The following DNAI4 variants were observed in gnomAD, a reference collection of about 807,000 sequenced individuals.
The protein encoded by DNAI4 is WD repeat domain 78.
A neutral mutation model predicts 105.8 loss-of-function variants in DNAI4; 85 were observed. The ratio of observed to expected loss-of-function variants is 0.80; its 90% CI spans 0.67 to 0.96. DNAI4 has a LOEUF of 0.96. Ranked by LOEUF, DNAI4 falls within the 40% of genes least tolerant of loss-of-function variation. The pLI is 0.00. For synonymous variants in DNAI4, 352 were observed against 331.5 expected, an observed-to-expected ratio of 1.06 and a Z score of -0.67; for missense variants, 1,014 against 1,005.6, an observed-to-expected ratio of 1.01 and a Z score of -0.11.
intron 1 of DNAI4, among the ~76,000 whole-genome samples, chr1:66,915,311 A>G (rs1649983744): frequency 1.3e-5 from 2 of 152,240 alleles, no homozygotes; most frequent in African/African-American, 4.8e-5. Flanking sequence ...ACTATAAACT[A>G]AGTACCTCCC....
rs532762200 is a variant in DNAI4 at position 66,893,404 on chromosome 1, T to C, written c.355A>G (p.Ile119Val). 8 of 1,542,608 alleles carry C rather than the reference T, an allele frequency of 5.2e-6. No homozygotes were observed. In the African/African-American group the frequency reaches 8.3e-5, roughly 16 times the overall value. Residue 119 changes from isoleucine (I) to valine (V), a missense_variant, in exon 3 of 17, where the codon ATA (isoleucine) becomes GTA (valine). Ile to Val is a conservative substitution (Grantham distance 29, BLOSUM62 3). Coordinates refer to ENST00000371026, the MANE Select transcript of DNAI4 (RefSeq NM_024763.5). ...PNIKTTQVFD[I>V]NGTDVTPRPL... ...CGGGGAGTAACATCAGTTCCATTTA[T>C]GTCAAATACCTGTTAAAAATGGTTA... is the stretch of plus-strand genomic sequence containing the variant.
At position 66,874,755 on chromosome 1, in the gene DNAI4, A is replaced by T. The variant is rs1569701724; in HGVS notation, c.800+26T>A. 1.9e-6 allele frequency: 3 copies of T among 1,583,204 alleles called. No individual in the cohort carries two copies. In the East Asian group the frequency reaches 6.7e-5, roughly 35 times the overall value. Reference sequence around the variant, plus strand: ...GGCTTAGCATTTGAATTACAGAAACAATGTAGACAACTGAACCATACATAC... The same window carrying T: ...GGCTTAGCATTTGAATTACAGAAACTATGTAGACAACTGAACCATACATAC... On this transcript the variant is annotated intron_variant, in intron 5 of 16. Transcript: ENST00000371026.
intron 7 of DNAI4, among the ~76,000 whole-genome samples, chr1:66,859,653 T>A (rs574764095): frequency 2.6e-5 from 4 of 152,042 alleles, no homozygotes; most frequent in Non-Finnish European, 5.9e-5. Flanking sequence ...TGAAAAAACA[T>A]AGAGGAGGCT....
At chr1:66,885,229 T>G (rs2100731866) in intron 4 of DNAI4, among the ~76,000 whole-genome samples, 1 of 152,358 alleles carries the variant, frequency 6.6e-6, no homozygotes, top group South Asian at 2.1e-4. Context: ...TCTTTTGGAT[T>G]TGTTGAAGTA....
intron 1 of DNAI4, among the ~76,000 whole-genome samples, chr1:66,906,624 C>A (rs1410839104): frequency 6.6e-6 from 1 of 151,990 alleles, no homozygotes; most frequent in Non-Finnish European, 1.5e-5. Flanking sequence ...TCCCTAGCAC[C>A]CAGCACAGTG....
chr1:66,899,694 T>G (rs1011885307), intron 2 of DNAI4, among the ~76,000 whole-genome samples: 14 of 152,212 alleles, frequency 9.2e-5, no homozygotes, highest in Non-Finnish European at 1.6e-4. Context: ...AGTGTTACAG[T>G]TTTAGCTCTT....
rs971240009 is a variant in DNAI4 at position 66,833,512 on chromosome 1, G to A, written c.2013+73C>T. 3.3e-6 allele frequency: 5 copies of A among 1,536,500 alleles called. No individual in the cohort carries two copies. In the African/African-American group the frequency reaches 6.9e-5, roughly 21 times the overall value. ...CATTAACAGGCTAATATTTGGTCTT[G>A]TTTTATGACTTAATACACTTCAATT... On this transcript the variant is annotated intron_variant, in intron 13 of 16. Transcript: ENST00000371026.
At chr1:66,855,938 G>A (rs1646490648) in intron 7 of DNAI4, among the ~76,000 whole-genome samples, 2 of 152,128 alleles carry the variant, frequency 1.3e-5, no homozygotes, top group East Asian at 2.0e-4. Context: ...AGGTTCAAGC[G>A]ATTCTCCTGC....
rs954823743 is a variant in DNAI4 at position 66,886,503 on chromosome 1, T to C, written c.643+4651A>G. ...AGGGTAGCAGTTTGGTTGTGTTTAA[T>C]GTTGTTTTAGCTACAGGTATCAAAA... On this transcript the variant is annotated intron_variant, in intron 4 of 16. Coordinates refer to ENST00000371026, the MANE Select transcript of DNAI4 (RefSeq NM_024763.5). Among the ~76,000 whole-genome samples the C allele has an allele frequency of 3.9e-5, 6 of 152,358 alleles. No individual in the cohort carries two copies. In the East Asian group the frequency reaches 5.8e-4, roughly 15 times the overall value.
At chr1:66,837,364 C>CA (rs529364212) in intron 10 of DNAI4, among the ~76,000 whole-genome samples, 18,738 of 82,154 alleles carry the variant, frequency 0.23, 2,058 homozygotes, top group Middle Eastern at 0.28. Flanking sequence ...GACTCTGTCT[C>CA]AAAAAAAAAA....
At chr1:66,859,095 T>C (rs1646568600) in intron 7 of DNAI4, among the ~76,000 whole-genome samples, 1 of 152,072 alleles carries the variant, frequency 6.6e-6, no homozygotes, top group Non-Finnish European at 1.5e-5. Flanking sequence ...ATATATCCGA[T>C]AAAGAACTAA....
At chr1:66,854,730 G>C (rs1268932246) in intron 7 of DNAI4, among the ~76,000 whole-genome samples, 2 of 152,150 alleles carry the variant, frequency 1.3e-5, no homozygotes, top group East Asian at 3.9e-4. Context: ...GAACCCGGGA[G>C]GAGGCAGAGA....
intron 2 of DNAI4, among the ~76,000 whole-genome samples, chr1:66,900,613 T>C (rs909793547): frequency 6.6e-6 from 1 of 152,230 alleles, no homozygotes; most frequent in Admixed American, 6.5e-5. Context: ...GCATACATTT[T>C]GCACTTCTTT....
intron 2 of DNAI4, among the ~76,000 whole-genome samples, chr1:66,902,480 T>C (rs2100819734): frequency 6.6e-6 from 1 of 152,330 alleles, no homozygotes; most frequent in East Asian, 1.9e-4. Context: ...ATATATAATT[T>C]GCAAATATTT....
rs150204985 is a variant in DNAI4, at chr1:66,821,201, C to T, written c.2496+1160G>A. 4.3e-4 allele frequency among the ~76,000 whole-genome samples: 63 copies of T among 144,954 alleles called. 1 individual carries two copies. The East Asian group carries it at 6.1e-3, about 14-fold the overall frequency. On this transcript the variant is annotated intron_variant, in intron 16 of 16. Transcript: ENST00000371026. ...GCAACCTCCCTCTCCCAGGTTCAAA[C>T]GATTCTCGTGCCTCAGCCTCCTGAG...
chr1:66,815,641 A>G (rs372547281), intron 16 of DNAI4, among the ~76,000 whole-genome samples: 1 of 152,186 alleles, frequency 6.6e-6, no homozygotes, highest in African/African-American at 2.4e-5. Flanking sequence ...CCTGCAGAAA[A>G]GGAGTTGCTT....
chr1:66,833,884 T>A, intron 12 of DNAI4, 107 bp downstream of exon 12: 1 of 1,421,468 alleles, frequency 7.0e-7, no homozygotes, highest in Non-Finnish European at 9.4e-7. Context: ...CCAACCCAAT[T>A]TTTTTCTTAT....
chr1:66,832,264 T>C (rs1017734763), intron 13 of DNAI4, among the ~76,000 whole-genome samples: 4 of 152,186 alleles, frequency 2.6e-5, no homozygotes, highest in Middle Eastern at 3.2e-3. Flanking sequence ...ACATTAGCAA[T>C]AGCAGGCTTG....
At chr1:66,907,262 A>G (rs183555752) in intron 1 of DNAI4, among the ~76,000 whole-genome samples, 2 of 152,278 alleles carry the variant, frequency 1.3e-5, no homozygotes, top group East Asian at 3.9e-4. Context: ...CTGTCATACC[A>G]CAGACTATTC....
Sources: gnomAD v4.1 joint callset for allele counts (sites outside exome capture counted in the v4.1 genomes callset) on GRCh38, gnomAD v4.1.1 for gene constraint, MANE v1.5 for transcripts, NCBI Gene and HGNC (gene_info 2026-07-23, HGNC 2026-07-21) for gene names.